EHMT1: variants seen among roughly 807,000 people sequenced by gnomAD.
The protein encoded by EHMT1 is euchromatic histone lysine methyltransferase 1.
A neutral mutation model predicts 147.2 loss-of-function variants in EHMT1; 15 were observed. The observed-to-expected ratio is 0.10, with a 90% CI of 0.07 to 0.16. The LOEUF (loss-of-function observed/expected upper bound fraction) is 0.16, where lower values mean the gene tolerates loss of function less well. EHMT1 is among the 10% of genes least tolerant of loss of function. The probability of loss-of-function intolerance (pLI) is 1.00; values close to 1 mark genes in which losing one functional copy is unlikely to be tolerated. For missense variants in EHMT1, 1,587 were observed against 1,772.4 expected (o/e 0.90, Z 1.88); for synonymous variants, 795 against 709.6 (o/e 1.12, Z -1.91).
chr9:137,737,269 T>C (rs1184858009), intron 4 of EHMT1, among the ~76,000 whole-genome samples: 1 of 152,190 alleles, frequency 6.6e-6, no homozygotes, highest in Non-Finnish European at 1.5e-5. Context: ...ACTACAAAGC[T>C]ATAGTACTCA....
At chr9:137,778,974 G>A in intron 13 of EHMT1, among the ~76,000 whole-genome samples, 1 of 152,134 alleles carries the variant, frequency 6.6e-6, no homozygotes, top group African/African-American at 2.4e-5. Flanking sequence ...GATCTTGTGG[G>A]AACTGACTGA....
At chr9:137,650,441 G>T (rs1289831340) in intron 1 of EHMT1, among the ~76,000 whole-genome samples, 1 of 152,104 alleles carries the variant, frequency 6.6e-6, no homozygotes, top group Non-Finnish European at 1.5e-5. Flanking sequence ...CCAAACTAGG[G>T]AGTGTGAAGT....
In EHMT1 at chr9:137,828,511, C is replaced by G. The variant is rs928234857; in HGVS notation, c.3541-5838C>G. 1.3e-5 allele frequency among the ~76,000 whole-genome samples: 2 copies of G among 151,620 alleles called. No homozygotes were observed. The highest frequency in any genetic ancestry group is 1.3e-4 in the Admixed American group (2 of 15,222). On this transcript the variant is annotated intron_variant, in intron 25 of 26. Coordinates refer to ENST00000460843, the MANE Select transcript of EHMT1 (RefSeq NM_024757.5). The surrounding 1 kb of genome is among the most constrained non-coding windows in gnomAD (Gnocchi z 5.3). The stretch of plus-strand genomic sequence containing the variant: ...AGACCCCATGACCTCTAGGGTCACG[C>G]GGAGGCTCCTGGGGTCAGACTGAGA...
chr9:137,756,168 G>T (rs1484141942), intron 8 of EHMT1, among the ~76,000 whole-genome samples: 1 of 152,194 alleles, frequency 6.6e-6, no homozygotes, highest in East Asian at 1.9e-4. Flanking sequence ...CTTGGCATCT[G>T]CAGGCTCCGC....
chr9:137,746,358 T>C (rs1308698520), intron 6 of EHMT1: 1 of 152,226 alleles, frequency 6.6e-6, no homozygotes, highest in Non-Finnish European at 1.5e-5. Flanking sequence ...TAAGTGAACC[T>C]TCCACCTCAG....
chr9:137,781,089 C>CCGAGACGTG (rs1564748293), intron 14 of EHMT1, among the ~76,000 whole-genome samples: 58 of 91,400 alleles, frequency 6.3e-4, no homozygotes, highest in East Asian at 1.7e-3. Context: ...GGTGATGACG[C>CCGAGACGTG]TGGGATGTGT....
rs537184548 is a variant in EHMT1, at chr9:137,671,385, A to G, written c.22-39582A>G. Among the ~76,000 whole-genome samples the G allele has an allele frequency of 2.0e-4, 30 of 152,276 alleles. 1 individual carries two copies. The highest frequency in any genetic ancestry group is 1.7e-3 in the South Asian group (8 of 4,816). Reference sequence around the variant, plus strand: ...TAATGGAAACCCTCATTTATATGTAACAATTCATATGATTAACGCTTATCA... The same window carrying G: ...TAATGGAAACCCTCATTTATATGTAGCAATTCATATGATTAACGCTTATCA... On this transcript the variant is annotated intron_variant, in intron 1 of 26. Coordinates refer to ENST00000460843, the MANE Select transcript of EHMT1 (RefSeq NM_024757.5).
In EHMT1 at chr9:137,800,431, T is replaced by C; in HGVS notation, c.2608-449T>C. On this transcript the variant is annotated intron_variant, in intron 17 of 26. Coordinates refer to ENST00000460843, the MANE Select transcript of EHMT1 (RefSeq NM_024757.5). ...CTGGCTCTCCTGCACGGAGCCACCA[T>C]TGGAGGCTGAAGGAGGAGCAGAACC... The C allele has an allele frequency of 1.8e-5, 4 of 223,832 alleles. No individual in the cohort carries two copies. The South Asian group carries it at 2.6e-4, about 15-fold the overall frequency. 13.9% of individuals were successfully genotyped at this position (223,832 alleles called of 1,614,324 possible).
chr9:137,774,163 T>C (rs892189532), intron 10 of EHMT1, among the ~76,000 whole-genome samples: 1 of 152,242 alleles, frequency 6.6e-6, no homozygotes, highest in Non-Finnish European at 1.5e-5. Context: ...TGGCCTGTGA[T>C]GGCCTGGACT....
At chr9:137,634,912 G>A (rs1843892662) in intron 1 of EHMT1, among the ~76,000 whole-genome samples, 1 of 139,986 alleles carries the variant, frequency 7.1e-6, no homozygotes, top group African/African-American at 2.6e-5. Flanking sequence ...AGTAGAGATG[G>A]GGTTTCACCA....
At position 137,775,535 on chromosome 9, in the gene EHMT1, G is replaced by A. The variant is rs975927461; in HGVS notation, c.1791+283G>A. Among the ~76,000 whole-genome samples the A allele has an allele frequency of 6.6e-6, 1 of 151,932 alleles. No individual in the cohort carries two copies. Among genetic ancestry groups the A allele is most frequent in the African/African-American group, 2.4e-5 (1 of 41,418 alleles). On this transcript the variant is annotated intron_variant, in intron 11 of 26. Transcript: ENST00000460843. This position sits in a 1 kb window ranked among gnomAD's most constrained non-coding sequence, Gnocchi z 6.1. ...TGACCTGGGCTTCCAGGCCAGAGGA[G>A]GGAAGTGAGGGTTGGGGGTGAAGGT... is the stretch of plus-strand genomic sequence containing the variant.
rs189608329 is a variant in EHMT1 at position 137,624,946 on chromosome 9, G to A, written c.21+5897G>A. On this transcript the variant is annotated intron_variant, in intron 1 of 26. Coordinates refer to ENST00000460843, the MANE Select transcript of EHMT1 (RefSeq NM_024757.5). Reference sequence around the variant, plus strand: ...CACCCAGGCTGGAGTGCAGTGACGCGATTGGGTTCACCGCAACCTCCACCT... The same window carrying A: ...CACCCAGGCTGGAGTGCAGTGACGCAATTGGGTTCACCGCAACCTCCACCT... 3.4e-3 allele frequency among the ~76,000 whole-genome samples: 514 copies of A among 151,046 alleles called. 1 individual carries two copies. Among genetic ancestry groups the A allele is most frequent in the Non-Finnish European group, 5.4e-3 (368 of 67,832 alleles).
At chr9:137,743,182 G>C (rs771168126) in intron 4 of EHMT1, 189 bp from the exon 5 acceptor site, 20 of 622,982 alleles carry the variant, frequency 3.2e-5, no homozygotes, top group Non-Finnish European at 5.2e-5. Context: ...CTGATTCTCT[G>C]TGAATTGATC....
At chr9:137,689,036 G>A (rs1034477640) in intron 1 of EHMT1, among the ~76,000 whole-genome samples, 1 of 152,138 alleles carries the variant, frequency 6.6e-6, no homozygotes, top group Non-Finnish European at 1.5e-5. Flanking sequence ...GTGACCGCTT[G>A]TTCTGCATCC....
At position 137,710,865 on chromosome 9, in the gene EHMT1, G is replaced by A. The variant is rs1588288851; in HGVS notation, c.22-102G>A. On this transcript the variant is annotated intron_variant, in intron 1 of 26. Transcript: ENST00000460843. ...ATCTGACTGTCCAGCAGCTCATGGT[G>A]AATGTTGTAACTACGATTTTTTGAC... The A allele has an allele frequency of 3.8e-6, 5 of 1,323,026 alleles. 1 individual carries two copies. The South Asian group carries it at 5.3e-5, about 14-fold the overall frequency. 82.0% of individuals were successfully genotyped at this position (1,323,026 alleles called of 1,614,324 possible). A position where few individuals can be genotyped will look rare whatever the true frequency, so the allele number is the denominator to read the frequency against.
At chr9:137,664,321 G>A (rs111966794) in intron 1 of EHMT1, among the ~76,000 whole-genome samples, 1 of 148,384 alleles carries the variant, frequency 6.7e-6, no homozygotes, top group Non-Finnish European at 1.5e-5. Context: ...AGACTGAGTC[G>A]TGCTCTGTCG....
chr9:137,697,041 G>GATCCTC, intron 1 of EHMT1: 1 of 314,708 alleles, frequency 3.2e-6, no homozygotes, highest in East Asian at 1.3e-4. Flanking sequence ...AGCACTCTGG[G>GATCCTC]AGGCTGAGGC....
chr9:137,627,282 A>C (rs1166875131), intron 1 of EHMT1, among the ~76,000 whole-genome samples: 2 of 92,828 alleles, frequency 2.2e-5, no homozygotes, highest in Non-Finnish European at 4.1e-5. Flanking sequence ...TTTTTTTTTG[A>C]GATGGCATCT....
chr9:137,757,885 G>A lies in EHMT1; in HGVS notation c.1375G>A (p.Glu459Lys), dbSNP rs1204590127. The change falls in exon 9 of 27, where the codon GAG (glutamate) becomes AAG (lysine). Residue 459 changes from glutamate to lysine, a missense_variant. Around this residue, in one of 7 missense-constraint regions of EHMT1, gnomAD observed 810 missense variants for 673.0 expected, o/e 1.20. Coordinates refer to ENST00000460843, the MANE Select transcript of EHMT1 (RefSeq NM_024757.5). ...RKKPSGALGSESYKSSAGSAE... is the reference protein window; with the variant it reads ...RKKPSGALGSKSYKSSAGSAE... Reference sequence around the variant, plus strand: ...TGTGTGCCTTTCATACCTAGGTTCTGAGTCGTATAAGTCATCTGCAGGAAG... The same window carrying A: ...TGTGTGCCTTTCATACCTAGGTTCTAAGTCGTATAAGTCATCTGCAGGAAG... The A allele has an allele frequency of 6.2e-7, 1 of 1,613,984 alleles. No homozygotes were observed. Among genetic ancestry groups the A allele is most frequent in the African/African-American group, 1.3e-5 (1 of 75,024 alleles).
Sources: allele counts gnomAD v4.1 joint callset (sites outside exome capture counted in the v4.1 genomes callset), GRCh38; gene constraint gnomAD v4.1.1; regional missense constraint gnomAD v4.1.1; non-coding constraint Gnocchi (gnomAD v3.1); transcripts MANE v1.5; gene names NCBI Gene and HGNC (gene_info 2026-07-23, HGNC 2026-07-21).